Variants in ZFYVE9 observed in about 807,000 individuals in gnomAD.
ZFYVE9 encodes the protein zinc finger FYVE-type containing 9.
ZFYVE9 carries 43 observed loss-of-function variants against 126.7 expected under a neutral mutation model. The ratio of observed to expected loss-of-function variants is 0.34; its 90% CI spans 0.27 to 0.44. The LOEUF (loss-of-function observed/expected upper bound fraction) is 0.44. Among genes scored for constraint, ZFYVE9 ranks in the 20% least tolerant of loss-of-function variants. ZFYVE9 has a pLI of 1.00. For synonymous variants in ZFYVE9, 521 were observed against 597.4 expected (o/e 0.87, Z 1.87); for missense variants, 1,476 against 1,697.0 (o/e 0.87, Z 2.29).
intron 2 of ZFYVE9, among the ~76,000 whole-genome samples, chr1:52,219,268 C>G (rs1357149727): frequency 6.6e-6 from 1 of 151,830 alleles, no homozygotes; most frequent in Admixed American, 6.6e-5. Context: ...GGAGGGTGAT[C>G]GGGTTACATT....
intron 1 of ZFYVE9, among the ~76,000 whole-genome samples, chr1:52,216,013 T>C (rs2124594371): frequency 6.6e-6 from 1 of 152,334 alleles, no homozygotes; most frequent in Non-Finnish European, 1.5e-5. Context: ...GCAGTTTTCT[T>C]AGCTTTGGAT....
chr1:52,260,179 C>T (rs914750209), intron 4 of ZFYVE9, among the ~76,000 whole-genome samples: 10 of 152,120 alleles, frequency 6.6e-5, no homozygotes, highest in African/African-American at 2.2e-4. Context: ...TATACCCTCA[C>T]CACCGTTAGA....
intron 13 of ZFYVE9, among the ~76,000 whole-genome samples, chr1:52,323,990 C>T (rs1230750467): frequency 4.0e-5 from 6 of 149,116 alleles, no homozygotes; most frequent in African/African-American, 1.2e-4. Flanking sequence ...ACCTGGTTGG[C>T]GGAGATTGCA....
At chr1:52,287,939 T>A (rs1645878983) in intron 10 of ZFYVE9, among the ~76,000 whole-genome samples, 1 of 152,190 alleles carries the variant, frequency 6.6e-6, no homozygotes, top group African/African-American at 2.4e-5. Context: ...TTGGTAAATT[T>A]ATTAGAATTA....
intron 2 of ZFYVE9, among the ~76,000 whole-genome samples, chr1:52,218,261 C>T (rs1030269040): frequency 6.6e-6 from 1 of 152,086 alleles, no homozygotes; most frequent in Admixed American, 6.6e-5. Flanking sequence ...AAATATTGGT[C>T]CCCCACAATA....
chr1:52,220,741 T>G (rs1645116687), intron 2 of ZFYVE9, among the ~76,000 whole-genome samples: 1 of 152,144 alleles, frequency 6.6e-6, no homozygotes, highest in South Asian at 2.1e-4. Flanking sequence ...AATGCCTGCT[T>G]TCCCTCTGGG....
intron 4 of ZFYVE9, among the ~76,000 whole-genome samples, chr1:52,256,855 T>C (rs1645525279): frequency 6.6e-6 from 1 of 152,230 alleles, no homozygotes; most frequent in Admixed American, 6.5e-5. Context: ...AGTTGTTACT[T>C]TCACTGGTCT....
intron 1 of ZFYVE9, among the ~76,000 whole-genome samples, chr1:52,197,610 GAAGA>G (rs1644872915): frequency 4.3e-5 from 2 of 46,176 alleles, no homozygotes; most frequent in African/African-American, 7.9e-5. Flanking sequence ...AAAAAAAATA[GAAGA>G]AAGTAAGAAT....
Position 52,161,948 on chromosome 1 carries a change from AAAG to A in ZFYVE9, c.-143+19546_-143+19548del, listed in dbSNP as rs201503043. On this transcript the variant is annotated intron_variant, in intron 1 of 18. Transcript: ENST00000287727. ...TATGTTAGTAAAAGCAAAAAAAAAA[AAAG>A]TTTACGGAGTATAACACTAGGGTTG... 6.7e-3 allele frequency among the ~76,000 whole-genome samples: 1,020 copies of A among 152,142 alleles called. 49 individuals are homozygous for A. Among genetic ancestry groups the A allele is most frequent in the Admixed American group, 0.063 (964 of 15,270 alleles).
At chr1:52,183,792 C>T (rs1205712319) in intron 1 of ZFYVE9, among the ~76,000 whole-genome samples, 1 of 152,134 alleles carries the variant, frequency 6.6e-6, no homozygotes, top group Non-Finnish European at 1.5e-5. Context: ...TGGCGTGAGC[C>T]ACCGCGTCCA....
At chr1:52,146,057 A>ACACACACACACACACAC in intron 1 of ZFYVE9, among the ~76,000 whole-genome samples, 1 of 151,514 alleles carries the variant, frequency 6.6e-6, no homozygotes, top group African/African-American at 2.4e-5. Context: ...ACACACACAC[A>ACACACACACACACACAC]AAAGTAATCA....
intron 10 of ZFYVE9, among the ~76,000 whole-genome samples, chr1:52,287,780 C>T (rs1464817230): frequency 6.6e-6 from 1 of 151,828 alleles, no homozygotes; most frequent in Non-Finnish European, 1.5e-5. Context: ...TGGGAGGAGT[C>T]CTTGAGCCCA....
intron 10 of ZFYVE9, among the ~76,000 whole-genome samples, chr1:52,282,572 T>C (rs1645815383): frequency 6.6e-6 from 1 of 152,228 alleles, no homozygotes; most frequent in Non-Finnish European, 1.5e-5. Context: ...AAAACTATTT[T>C]CATGTATTAT....
intron 1 of ZFYVE9, among the ~76,000 whole-genome samples, chr1:52,145,736 A>T (rs1644300212): frequency 6.6e-6 from 1 of 152,154 alleles, no homozygotes; most frequent in Non-Finnish European, 1.5e-5. Context: ...GGATTTCTGC[A>T]TGACTTAAAA....
chr1:52,322,298 C>T (rs972831768), intron 13 of ZFYVE9, among the ~76,000 whole-genome samples: 1 of 151,972 alleles, frequency 6.6e-6, no homozygotes, highest in African/African-American at 2.4e-5. Context: ...ACCTAGATTT[C>T]TGCAGTGGCC....
chr1:52,200,551 G>C (rs1336529712), intron 1 of ZFYVE9, among the ~76,000 whole-genome samples: 1 of 151,920 alleles, frequency 6.6e-6, no homozygotes, highest in African/African-American at 2.4e-5. Context: ...TCATTCCTTT[G>C]GTATTGTGTC....
chr1:52,183,121 T>C (rs1385064633), intron 1 of ZFYVE9, among the ~76,000 whole-genome samples: 2 of 152,226 alleles, frequency 1.3e-5, no homozygotes, highest in South Asian at 2.1e-4. Flanking sequence ...GGGCAGTAAT[T>C]AGAGGGAAAT....
intron 4 of ZFYVE9, among the ~76,000 whole-genome samples, chr1:52,255,913 CT>C (rs1645504698): frequency 4.5e-4 from 28 of 62,038 alleles, no homozygotes; most frequent in African/African-American, 3.0e-3. Flanking sequence ...CTTTTCTTTT[CT>C]TTTCTTTTCT....
Position 52,263,753 on chromosome 1 carries a change from T to TTGGGGGGGG in ZFYVE9, c.2179-20_2179-19insTGGGGGGGG. ...ATCCCAAGTAAATTTTGTGTGTTCT[T>TTGGGGGGGG]CCCCCCCCCCCCCCCACAGGTTTTC... On this transcript the variant is annotated intron_variant, in intron 4 of 18. Coordinates refer to ENST00000287727, the MANE Select transcript of ZFYVE9 (RefSeq NM_004799.4). The TTGGGGGGGG allele has an allele frequency of 1.4e-6, 1 of 713,090 alleles. No individual in the cohort carries two copies. Among genetic ancestry groups the TTGGGGGGGG allele is most frequent in the Non-Finnish European group, 2.0e-6 (1 of 490,712 alleles). The allele number at this position is 713,090 out of a possible 1,614,324, so 44.2% of individuals were successfully genotyped here.
Sources: allele counts gnomAD v4.1 joint callset (sites outside exome capture counted in the v4.1 genomes callset), GRCh38; gene constraint gnomAD v4.1.1; transcripts MANE v1.5; gene names NCBI Gene and HGNC (gene_info 2026-07-23, HGNC 2026-07-21).